SYNPR: variants seen among roughly 807,000 people sequenced by gnomAD.
The protein encoded by SYNPR is synaptoporin.
SYNPR carries 23 observed loss-of-function variants against 32.9 expected under a neutral mutation model. The ratio of observed to expected loss-of-function variants is 0.70; its 90% CI spans 0.50 to 0.99. The LOEUF (loss-of-function observed/expected upper bound fraction) is 0.99, where lower values mean the gene tolerates loss of function less well. Ranked by LOEUF, SYNPR falls within the 50% of genes least tolerant of loss-of-function variation. SYNPR has a pLI of 0.00. For synonymous variants in SYNPR, 146 were observed against 135.9 expected (o/e 1.07, Z -0.52); for missense variants, 318 against 349.3 (o/e 0.91, Z 0.71).
At chr3:63,284,357 G>T (rs1189044713) in intron 2 of SYNPR, among the ~76,000 whole-genome samples, 4 of 152,158 alleles carry the variant, frequency 2.6e-5, no homozygotes, top group Non-Finnish European at 5.9e-5. Flanking sequence ...TATTTGTGTG[G>T]CTTGCATAGT....
At chr3:63,246,200 G>T (rs1053096450) in intron 1 of SYNPR, among the ~76,000 whole-genome samples, 1 of 152,012 alleles carries the variant, frequency 6.6e-6, no homozygotes, top group Admixed American at 6.6e-5. Flanking sequence ...TTAATAGCAG[G>T]CACTGACATA....
At chr3:63,210,552 T>C in the SYNPR span, among the ~76,000 whole-genome samples, 2 of 152,234 alleles carry the variant, frequency 1.3e-5, no homozygotes, top group African/African-American at 2.4e-5. Context: ...ACCTTACTTG[T>C]TTTCCGTTTT....
chr3:63,606,424 T>C (rs1464362488), intron 4 of SYNPR, among the ~76,000 whole-genome samples: 1 of 132,544 alleles, frequency 7.5e-6, no homozygotes. Context: ...TTTCTTTTTT[T>C]TTTTTTTTTT....
intron 4 of SYNPR, among the ~76,000 whole-genome samples, chr3:63,557,427 A>C (rs946600967): frequency 6.6e-6 from 1 of 152,202 alleles, no homozygotes; most frequent in Admixed American, 6.5e-5. Context: ...CATTTTAGAA[A>C]AGAAAAGTAT....
chr3:63,582,906 TG>T (rs1703116747), intron 4 of SYNPR, among the ~76,000 whole-genome samples: 1 of 152,080 alleles, frequency 6.6e-6, no homozygotes, highest in African/African-American at 2.4e-5. Flanking sequence ...GATTAGCTCA[TG>T]TAAGTGTCAC....
intron 1 of SYNPR, among the ~76,000 whole-genome samples, chr3:63,246,913 C>A (rs187208631): frequency 6.6e-6 from 1 of 152,118 alleles, no homozygotes; most frequent in Admixed American, 6.6e-5. Context: ...TTCTTCCCAG[C>A]ATTATCGTAA....
intron 4 of SYNPR, among the ~76,000 whole-genome samples, chr3:63,605,976 T>C (rs1023979850): frequency 6.6e-6 from 1 of 152,270 alleles, no homozygotes; most frequent in Non-Finnish European, 1.5e-5. Context: ...ATTCGTGATA[T>C]AAAAGTTTAC....
intron 2 of SYNPR, among the ~76,000 whole-genome samples, chr3:63,318,950 T>C (rs1396183498): frequency 6.6e-6 from 1 of 152,006 alleles, no homozygotes; most frequent in Non-Finnish European, 1.5e-5. Flanking sequence ...CTACAGGGTG[T>C]TCCCTTGACG....
intron 2 of SYNPR, among the ~76,000 whole-genome samples, chr3:63,365,524 G>A (rs923622325): frequency 1.3e-5 from 2 of 152,132 alleles, no homozygotes; most frequent in East Asian, 1.9e-4. Flanking sequence ...AAGTTAACAC[G>A]GGGAAATAAA....
intron 2 of SYNPR, among the ~76,000 whole-genome samples, chr3:63,478,862 G>A (rs1056120803): frequency 1.3e-5 from 2 of 152,136 alleles, no homozygotes; most frequent in African/African-American, 2.4e-5. Flanking sequence ...GTGGCCCAAA[G>A]GGTTGGGACA....
intron 2 of SYNPR, among the ~76,000 whole-genome samples, chr3:63,431,866 T>C (rs540237201): frequency 1.3e-5 from 2 of 151,688 alleles, no homozygotes; most frequent in South Asian, 4.2e-4. Flanking sequence ...GTTTGTGACT[T>C]AGACCTTTCC....
chr3:63,495,609 A>G (rs931303083), intron 3 of SYNPR, among the ~76,000 whole-genome samples: 2 of 152,184 alleles, frequency 1.3e-5, no homozygotes, highest in Non-Finnish European at 1.5e-5. Flanking sequence ...ACTTTCCACT[A>G]TTCTTCCACC....
At chr3:63,255,697 A>G (rs2086376018) in intron 2 of SYNPR, among the ~76,000 whole-genome samples, 1 of 152,182 alleles carries the variant, frequency 6.6e-6, no homozygotes, top group Admixed American at 6.5e-5. Flanking sequence ...TGATTTCTGC[A>G]TTCCCAACTG....
chr3:63,524,655 G>A (rs570739986), intron 3 of SYNPR, among the ~76,000 whole-genome samples: 142 of 152,246 alleles, frequency 9.3e-4, no homozygotes, highest in Non-Finnish European at 1.7e-3. Context: ...CAAACACTGA[G>A]GGGTGTCATC....
At chr3:63,310,173 G>A (rs185497474) in intron 2 of SYNPR, among the ~76,000 whole-genome samples, 11 of 151,888 alleles carry the variant, frequency 7.2e-5, no homozygotes, top group African/African-American at 2.7e-4. Flanking sequence ...TGGTATAGTT[G>A]AGACAAAGTC....
At chr3:63,547,509 T>C (rs1026965477) in intron 3 of SYNPR, among the ~76,000 whole-genome samples, 5 of 152,122 alleles carry the variant, frequency 3.3e-5, no homozygotes, top group Non-Finnish European at 7.4e-5. Flanking sequence ...TAAAGGAGAA[T>C]CTTATTCCAA....
chr3:63,457,444 A>G (rs1314043296), intron 2 of SYNPR, among the ~76,000 whole-genome samples: 3 of 152,088 alleles, frequency 2.0e-5, no homozygotes, highest in Non-Finnish European at 2.9e-5. Flanking sequence ...TCTCACCAAT[A>G]AGCATTAGCA....
chr3:63,459,918 G>A (rs555812582), intron 2 of SYNPR, among the ~76,000 whole-genome samples: 1 of 152,064 alleles, frequency 6.6e-6, no homozygotes, highest in East Asian at 1.9e-4. Context: ...ATCCAGTTCA[G>A]CACTAAATCC....
At chr3:63,610,428 C>A (rs577524539) in intron 5 of SYNPR, 1 of 677,500 alleles carries the variant, frequency 1.5e-6, no homozygotes, top group Non-Finnish European at 2.7e-6. Context: ...TTAGCACATC[C>A]TAGAAATAAT....
Sources: gnomAD v4.1 joint callset for allele counts (sites outside exome capture counted in the v4.1 genomes callset) on GRCh38, gnomAD v4.1.1 for gene constraint, MANE v1.5 for transcripts, NCBI Gene and HGNC (gene_info 2026-07-23, HGNC 2026-07-21) for gene names.